The following PARL variants were observed in gnomAD, a reference collection of about 807,000 sequenced individuals.
PARL encodes presenilin-associated rhomboid-like protein, mitochondrial.
PARL carries 44 observed loss-of-function variants against 51.6 expected under a neutral mutation model. The ratio of observed to expected loss-of-function variants is 0.85; its 90% CI spans 0.67 to 1.10. PARL has a LOEUF of 1.10. Ranked by LOEUF, PARL falls within the 50% of genes least tolerant of loss-of-function variation. The pLI is 0.00. For missense variants in PARL, 441 were observed against 469.5 expected (o/e 0.94, Z 0.56); for synonymous variants, 172 against 164.0 (o/e 1.05, Z -0.37).
At chr3:183,844,687 T>G in intron 4 of PARL, 1 of 209,054 alleles carries the variant, frequency 4.8e-6, no homozygotes, top group South Asian at 8.2e-5. Flanking sequence ...AATTAGGTTC[T>G]TTGGCCAAGA....
chr3:183,852,661 G>A (rs994158520), intron 4 of PARL, among the ~76,000 whole-genome samples: 3 of 152,180 alleles, frequency 2.0e-5, no homozygotes, highest in Non-Finnish European at 4.4e-5. Context: ...TTACAGGCAT[G>A]AGCCACCATG....
At chr3:183,873,010 T>G (rs1733389552) in intron 1 of PARL, among the ~76,000 whole-genome samples, 1 of 152,192 alleles carries the variant, frequency 6.6e-6, no homozygotes. Context: ...TCAGTTTATT[T>G]ACTGCCAAAT....
At position 183,877,057 on chromosome 3, in the gene PARL, C is replaced by CA. The variant is rs1256159113; in HGVS notation, c.125+7664dup. Among the ~76,000 whole-genome samples, 4 of 151,970 alleles carry CA rather than the reference C, an allele frequency of 2.6e-5. No individual in the cohort carries two copies. In the East Asian group the frequency reaches 7.7e-4, roughly 29 times the overall value. ...TGAAACCTCATCTTTATTAAAAATT[C>CA]AAAAAAATTAACTGGGCATGGTGGT... On this transcript the variant is annotated intron_variant, in intron 1 of 9. Transcript: ENST00000317096.
At chr3:183,833,861 A>T in intron 7 of PARL, 36 bp from the exon 8 acceptor site, 1 of 1,271,958 alleles carries the variant, frequency 7.9e-7, no homozygotes, top group Non-Finnish European at 1.2e-6. Context: ...TGGGAAACTC[A>T]ATATGCAACT....
At chr3:183,863,400 CCT>C (rs1560413650) in intron 3 of PARL, among the ~76,000 whole-genome samples, 1 of 151,764 alleles carries the variant, frequency 6.6e-6, no homozygotes, top group Non-Finnish European at 1.5e-5. Flanking sequence ...AAAAATTGGC[CCT>C]GTCTTGGGGA....
chr3:183,881,313 G>T (rs528924343), intron 1 of PARL, among the ~76,000 whole-genome samples: 71 of 149,958 alleles, frequency 4.7e-4, no homozygotes, highest in African/African-American at 1.6e-3. Context: ...GTAGAGACGG[G>T]TTTTCACCAT....
chr3:183,826,544 C>T (rs114217858), downstream of PARL: 92 of 942,638 alleles, frequency 9.8e-5, no homozygotes, highest in African/African-American at 1.5e-3. Context: ...CAGTCTGCGC[C>T]TGGGAGGGGA....
intron 4 of PARL, 103 bp downstream of exon 4, chr3:183,862,650 C>G (rs1731968800): frequency 1.1e-6 from 1 of 872,488 alleles, no homozygotes; most frequent in Non-Finnish European, 1.9e-6. Flanking sequence ...GTCTTCTAAA[C>G]CACTGGTGAG....
At position 183,829,438 on chromosome 3, in the gene PARL, A is replaced by C. The variant is rs1359148029; in HGVS notation, c.*160T>G. ...ATTTCACAACTTTATCATCATTCAC[A>C]TTCTAAAAAGACACGGACTGGGGGA... is the stretch of plus-strand genomic sequence containing the variant. On this transcript the variant is annotated 3_prime_UTR_variant, in exon 10 of 10. Transcript: ENST00000317096. 1 of 1,584,704 alleles carries C rather than the reference A, an allele frequency of 6.3e-7. No homozygotes were observed. Among genetic ancestry groups the C allele is most frequent in the Non-Finnish European group, 8.6e-7 (1 of 1,167,282 alleles).
intron 7 of PARL, among the ~76,000 whole-genome samples, chr3:183,834,845 A>G (rs1366782347): frequency 2.0e-5 from 3 of 148,044 alleles, no homozygotes; most frequent in African/African-American, 5.0e-5. Flanking sequence ...GTTTGAGACC[A>G]GCCTGACCAA....
At chr3:183,876,983 G>A (rs909433680) in intron 1 of PARL, among the ~76,000 whole-genome samples, 16 of 152,338 alleles carry the variant, frequency 1.1e-4, no homozygotes, top group African/African-American at 2.9e-4. Flanking sequence ...AGGCCGAGGC[G>A]GGCGGATCAC....
intron 2 of PARL, 92 bp downstream of exon 2, chr3:183,867,773 T>C: frequency 1.1e-6 from 1 of 878,530 alleles, no homozygotes; most frequent in Non-Finnish European, 1.9e-6. Context: ...CCCCTCTACC[T>C]GTCCTTACTT....
intron 7 of PARL, among the ~76,000 whole-genome samples, 196 bp from the exon 8 acceptor site, chr3:183,834,021 G>C (rs1260663835): frequency 1.3e-5 from 2 of 152,308 alleles, no homozygotes; most frequent in Non-Finnish European, 2.9e-5. Context: ...CACAGTAATC[G>C]CTTGGAAAGA....
intron 9 of PARL, among the ~76,000 whole-genome samples, chr3:183,831,812 T>C (rs1727973300): frequency 6.6e-6 from 1 of 152,172 alleles, no homozygotes; most frequent in Non-Finnish European, 1.5e-5. Flanking sequence ...AGATGAATTC[T>C]GGACATGACT....
rs1019085253 is a variant in PARL, at chr3:183,863,609, TTTTTTC to T, written c.463-814_463-809del. ...ATGTATAGTTCCATTTATTTTCTTT[TTTTTTC>T]TTTTTAAGAGACAGGGTCCCCCTGT... On this transcript the variant is annotated intron_variant, in intron 3 of 9. Coordinates refer to ENST00000317096, the MANE Select transcript of PARL (RefSeq NM_018622.7). Among the ~76,000 whole-genome samples, 107 of 152,176 alleles carry T rather than the reference TTTTTTC, an allele frequency of 7.0e-4. 3 individuals carry two copies. The highest frequency in any genetic ancestry group is 7.0e-3 in the Admixed American group (107 of 15,280).
chr3:183,833,384 C>A (rs1728176954), intron 9 of PARL, 108 bp downstream of exon 9: 7 of 764,988 alleles, frequency 9.2e-6, no homozygotes, highest in Admixed American at 3.8e-5. Context: ...GCTTCCGTTG[C>A]ATAGTTCAAT....
chr3:183,827,524 G>A (rs570443871), downstream of PARL, among the ~76,000 whole-genome samples: 1 of 152,216 alleles, frequency 6.6e-6, no homozygotes, highest in African/African-American at 2.4e-5. Context: ...GGCATATGGA[G>A]AAGCACAGGG....
In PARL at chr3:183,829,513, G is replaced by T; in HGVS notation, c.*85C>A. On this transcript the variant is annotated 3_prime_UTR_variant, in exon 10 of 10. Transcript: ENST00000317096. ...AGATGCTGGCATCTTCCAGACGGGA[G>T]CATAGCCATGGTCACTCTAGCCGAT... 6.2e-7 allele frequency: 1 copy of T among 1,613,276 alleles called. No individual in the cohort carries two copies. Among genetic ancestry groups the T allele is most frequent in the South Asian group, 1.1e-5 (1 of 91,012 alleles).
At chr3:183,844,875 A>G (rs1729764273) in intron 4 of PARL, 2 of 153,184 alleles carry the variant, frequency 1.3e-5, no homozygotes, top group African/African-American at 4.8e-5. Flanking sequence ...ACTGCTTCTA[A>G]AGTCTGTTTA....
Sources: allele counts gnomAD v4.1 joint callset (sites outside exome capture counted in the v4.1 genomes callset), GRCh38; gene constraint gnomAD v4.1.1; transcripts MANE v1.5; gene names NCBI Gene and HGNC (gene_info 2026-07-23, HGNC 2026-07-21).